Variants in KALRN observed in about 807,000 individuals in gnomAD.
KALRN encodes the protein kalirin RhoGEF kinase, also known as kalirin.
KALRN carries 70 observed loss-of-function variants against 353.7 expected under a neutral mutation model. The observed-to-expected ratio is 0.20, with a 90% CI of 0.16 to 0.24. KALRN has a LOEUF of 0.24. Among genes scored for constraint, KALRN ranks in the 10% least tolerant of loss-of-function variants. The probability of loss-of-function intolerance (pLI) is 1.00; values close to 1 mark genes in which losing one functional copy is unlikely to be tolerated. For synonymous variants in KALRN, 1,391 were observed against 1,434.8 expected (o/e 0.97, Z 0.69); for missense variants, 2,791 against 3,756.7 (o/e 0.74, Z 6.72).
In KALRN at chr3:124,562,999, C is replaced by T. The variant is rs1362281273; in HGVS notation, c.5092C>T (p.Pro1698Ser). 7.3e-7 allele frequency: 1 copy of T among 1,367,916 alleles called. No homozygotes were observed. The highest frequency in any genetic ancestry group is 4.5e-5 in the East Asian group (1 of 21,992). The allele number at this position is 1,367,916 out of a possible 1,614,324, so 84.7% of individuals were successfully genotyped here. Residue 1698 changes from proline (P) to serine (S), a missense_variant, in exon 34 of 60, where the codon CCC becomes TCC. Physicochemically the swap from Pro to Ser is moderately conservative, Grantham distance 74 (BLOSUM62 -1). Coordinates refer to ENST00000682506, the MANE Select transcript of KALRN (RefSeq NM_001388419.1). ...GGTCCGTACCACCGAACGGAGCCCG[C>T]CCTTGGAGGGTCTGGTCCCCAGCAG... is the stretch of plus-strand genomic sequence containing the variant. ...CLVRTTERSP[P>S]LEGLVPSSAL...
chr3:124,439,083 C>A (rs370140965), intron 18 of KALRN, 46 bp downstream of exon 18: 2 of 1,580,738 alleles, frequency 1.3e-6, no homozygotes, highest in Middle Eastern at 1.7e-4. Flanking sequence ...TGGCCTTGGC[C>A]GCCTTGTTCT....
At chr3:124,237,746 G>A (rs1171283773) in intron 3 of KALRN, among the ~76,000 whole-genome samples, 1 of 152,156 alleles carries the variant, frequency 6.6e-6, no homozygotes, top group Non-Finnish European at 1.5e-5. Flanking sequence ...GGTAGATTGA[G>A]GATTTGTGGT....
intron 37 of KALRN, among the ~76,000 whole-genome samples, chr3:124,638,477 C>G (rs1370349349): frequency 2.0e-5 from 3 of 152,194 alleles, no homozygotes; most frequent in Non-Finnish European, 4.4e-5. Flanking sequence ...TCAAAGACCC[C>G]TCTCTGACTG....
intron 33 of KALRN, among the ~76,000 whole-genome samples, chr3:124,555,414 AAAATAAATAAATAAATAAATAAATAAAT>A (rs199686367): frequency 7.3e-6 from 1 of 137,188 alleles, no homozygotes; most frequent in Non-Finnish European, 1.6e-5. Context: ...ACTCTGTCCC[AAAATAAATAAATAAATAAATAAATAAAT>A]AAATAAATAA....
At chr3:124,380,859 T>A (rs1227318051) in intron 10 of KALRN, among the ~76,000 whole-genome samples, 2 of 152,220 alleles carry the variant, frequency 1.3e-5, no homozygotes, top group Non-Finnish European at 2.9e-5. Flanking sequence ...TGAACATGAA[T>A]TCTAGCATGT....
At chr3:124,545,042 C>G (rs1395064034) in intron 33 of KALRN, among the ~76,000 whole-genome samples, 1 of 152,152 alleles carries the variant, frequency 6.6e-6, no homozygotes, top group African/African-American at 2.4e-5. Context: ...TTGTTGTACA[C>G]AAAGGGAGCC....
chr3:124,177,978 G>C (rs1360349719), intron 1 of KALRN, among the ~76,000 whole-genome samples: 2 of 152,146 alleles, frequency 1.3e-5, no homozygotes, highest in African/African-American at 4.8e-5. Flanking sequence ...ACTTGCATCA[G>C]TGCCACCTGG....
At chr3:124,190,199 G>A (rs536007032) in intron 1 of KALRN, among the ~76,000 whole-genome samples, 8 of 152,216 alleles carry the variant, frequency 5.3e-5, no homozygotes, top group South Asian at 2.1e-4. Context: ...GAGGACATTC[G>A]GATAGGCAAA....
intron 17 of KALRN, among the ~76,000 whole-genome samples, chr3:124,436,191 C>T (rs540023836): frequency 1.1e-4 from 16 of 152,276 alleles, no homozygotes; most frequent in African/African-American, 3.1e-4. Flanking sequence ...ATATTATACA[C>T]AAATGTTAAT....
In KALRN at chr3:124,697,590, T is replaced by C. The variant is rs959281536; in HGVS notation, c.7700-3T>C. The C allele has an allele frequency of 1.3e-5, 20 of 1,599,466 alleles. No individual in the cohort carries two copies. The highest frequency in any genetic ancestry group is 6.8e-5 in the African/African-American group (5 of 73,994). ...CACCTGATCCTGATTTCTGTCTCCA[T>C]AGGTGTTCCAGCAGCCCCTAACCGC... On this transcript the variant is annotated splice_polypyrimidine_tract_variant and splice_region_variant and intron_variant, in intron 54 of 59. Transcript: ENST00000682506.
At chr3:124,271,090 CA>C (rs1276142184) in intron 5 of KALRN, among the ~76,000 whole-genome samples, 2 of 152,110 alleles carry the variant, frequency 1.3e-5, no homozygotes, top group Non-Finnish European at 2.9e-5. Flanking sequence ...CTTGGCCTCC[CA>C]AAGTGCTGAG....
intron 1 of KALRN, among the ~76,000 whole-genome samples, chr3:124,065,844 GT>G (rs1369316411): frequency 6.6e-6 from 1 of 152,306 alleles, no homozygotes; most frequent in African/African-American, 2.4e-5. Flanking sequence ...CTCAACAACT[GT>G]TTTATTATTA....
intron 23 of KALRN, among the ~76,000 whole-genome samples, chr3:124,458,662 A>G (rs2059569021): frequency 2.0e-5 from 3 of 152,222 alleles, no homozygotes; most frequent in Admixed American, 1.3e-4. Flanking sequence ...CAGGCAGGGC[A>G]CAGTGGCTCA....
intron 10 of KALRN, among the ~76,000 whole-genome samples, chr3:124,375,231 A>G (rs1310575255): frequency 6.6e-6 from 1 of 152,168 alleles, no homozygotes; most frequent in Non-Finnish European, 1.5e-5. Flanking sequence ...CTCAGTGGGA[A>G]AAGGAGGAAG....
intron 33 of KALRN, among the ~76,000 whole-genome samples, chr3:124,547,790 C>T (rs13325756): frequency 0.52 from 76,582 of 146,502 alleles, 21,568 homozygotes; most frequent in African/African-American, 0.73. Context: ...TATACCAAAC[C>T]TTTTGGCTCA....
intron 10 of KALRN, among the ~76,000 whole-genome samples, chr3:124,366,476 C>A (rs939125795): frequency 1.0e-3 from 154 of 149,234 alleles, no homozygotes; most frequent in African/African-American, 3.8e-3. Flanking sequence ...ATCCATTTAA[C>A]CCTGAGTGGA....
intron 34 of KALRN, among the ~76,000 whole-genome samples, chr3:124,619,180 T>C (rs924910959): frequency 3.3e-5 from 5 of 152,192 alleles, no homozygotes; most frequent in Middle Eastern, 3.4e-3. Context: ...AATAGTTTTC[T>C]ATGTCTAGCT....
chr3:124,392,397 G>A (rs1279982542), intron 11 of KALRN, among the ~76,000 whole-genome samples: 1 of 152,068 alleles, frequency 6.6e-6, no homozygotes, highest in African/African-American at 2.4e-5. Context: ...CAACTTATTT[G>A]TAATCTTTAT....
intron 34 of KALRN, among the ~76,000 whole-genome samples, chr3:124,572,564 G>A (rs1481608766): frequency 6.6e-6 from 1 of 152,142 alleles, no homozygotes; most frequent in Non-Finnish European, 1.5e-5. Flanking sequence ...ATCTTCCTGG[G>A]TTTAGCTTCC....
Sources: gnomAD v4.1 joint callset for allele counts (sites outside exome capture counted in the v4.1 genomes callset) on GRCh38, gnomAD v4.1.1 for gene constraint, MANE v1.5 for transcripts, NCBI Gene and HGNC (gene_info 2026-07-23, HGNC 2026-07-21) for gene names.